FZR1: variants seen among roughly 807,000 people sequenced by gnomAD.
FZR1 encodes fizzy and cell division cycle 20 related 1.
A neutral mutation model predicts 63.6 loss-of-function variants in FZR1; 11 were observed. The observed-to-expected ratio is 0.17, with a 90% CI of 0.11 to 0.29. The LOEUF (loss-of-function observed/expected upper bound fraction) is 0.29. FZR1 is among the 10% of genes least tolerant of loss of function. FZR1 has a pLI of 1.00. For missense variants in FZR1, 440 were observed against 687.5 expected (o/e 0.64, Z 4.03); for synonymous variants, 328 against 297.9 (o/e 1.10, Z -1.04).
At position 3,525,818 on chromosome 19, in the gene FZR1, C is replaced by T. The variant is rs1314208435; in HGVS notation, c.70-50C>T. On this transcript the variant is annotated intron_variant, in intron 2 of 13. Coordinates refer to ENST00000441788, the MANE Select transcript of FZR1 (RefSeq NM_016263.4). This position sits in a 1 kb window ranked among gnomAD's most constrained non-coding sequence, Gnocchi z 4.2. ...TGAGAGAGGCTGGCCTGGGGGCACTCTCGGGGGGCTCTCGGTGCTGAGAGC... is the reference window on the plus strand; with the variant it reads ...TGAGAGAGGCTGGCCTGGGGGCACTTTCGGGGGGCTCTCGGTGCTGAGAGC... 3 of 1,593,908 alleles carry T rather than the reference C, an allele frequency of 1.9e-6. No homozygotes were observed. The highest frequency in any genetic ancestry group is 2.7e-5 in the African/African-American group (2 of 74,692).
intron 1 of FZR1, among the ~76,000 whole-genome samples, chr19:3,511,312 G>A (rs74551698): frequency 0.054 from 8,149 of 152,286 alleles, 645 homozygotes; most frequent in African/African-American, 0.17. Flanking sequence ...GTGGGCTGGA[G>A]GTGGGAGCTG....
chr19:3,510,149 C>T (rs889403717), intron 1 of FZR1, among the ~76,000 whole-genome samples: 1 of 151,970 alleles, frequency 6.6e-6, no homozygotes, highest in Non-Finnish European at 1.5e-5. Context: ...TTTCTTTTTC[C>T]TTTTTGAGAT....
rs533550219 is a variant in FZR1 at position 3,532,350 on chromosome 19, C to T, written c.1009-67C>T. The T allele has an allele frequency of 3.9e-6, 5 of 1,289,266 alleles. No homozygotes were observed. In the African/African-American group the frequency reaches 4.5e-5, roughly 12 times the overall value. The allele number at this position is 1,289,266 out of a possible 1,614,324, so 79.9% of individuals were successfully genotyped here. ...GGGGTGCCAGGGCAGGTCGTCACAC[C>T]TGTGAGGACCGGCCTATGGGACCAC... On this transcript the variant is annotated intron_variant, in intron 10 of 13. Transcript: ENST00000441788.
At position 3,534,783 on chromosome 19, in the gene FZR1, A is replaced by G. The variant is rs2083280589; in HGVS notation, c.1441-12A>G. ...GCGGCTCAGCGCATCTGCCATCCCC[A>G]TGTGTCTGCAGGAGTCTGTGTCTGT... On this transcript the variant is annotated splice_polypyrimidine_tract_variant and intron_variant, in intron 13 of 13. Transcript: ENST00000441788. 1.9e-6 allele frequency: 3 copies of G among 1,611,894 alleles called. No individual in the cohort carries two copies. The highest frequency in any genetic ancestry group is 2.2e-5 in the East Asian group (1 of 44,862).
chr19:3,524,313 C>A (rs4807485), intron 2 of FZR1, among the ~76,000 whole-genome samples: 86,536 of 152,072 alleles, frequency 0.57, 27,214 homozygotes, highest in East Asian at 0.84. Context: ...TCGAAGTCTC[C>A]CGGATGCAGC....
At chr19:3,534,337 T>C (rs998982973) in intron 12 of FZR1, 84 bp from the exon 13 acceptor site, 2 of 729,282 alleles carry the variant, frequency 2.7e-6, no homozygotes, top group South Asian at 1.8e-5. Context: ...CCCGACACCT[T>C]GCTCCCCTCT....
chr19:3,524,869 CAG>C (rs1444061106), intron 2 of FZR1, among the ~76,000 whole-genome samples: 1 of 152,134 alleles, frequency 6.6e-6, no homozygotes, highest in Non-Finnish European at 1.5e-5. Flanking sequence ...GTCATCAAAT[CAG>C]GGCTCACCCT....
intron 13 of FZR1, 27 bp downstream of exon 13, chr19:3,534,540 T>C: frequency 1.4e-6 from 2 of 1,450,552 alleles, no homozygotes; most frequent in Non-Finnish European, 1.9e-6. Context: ...TCAGCGCCAC[T>C]CGCCCCCGCC....
At chr19:3,511,650 A>G (rs1031909011) in intron 1 of FZR1, among the ~76,000 whole-genome samples, 1 of 152,152 alleles carries the variant, frequency 6.6e-6, no homozygotes, top group African/African-American at 2.4e-5. Context: ...CACATGGCAC[A>G]TGGCTGGTTG....
intron 7 of FZR1, among the ~76,000 whole-genome samples, 161 bp downstream of exon 7, chr19:3,527,975 C>T (rs1021279355): frequency 2.0e-5 from 3 of 152,068 alleles, no homozygotes; most frequent in East Asian, 3.9e-4. Context: ...CCCTCCCAGC[C>T]ACTACCCTCC....
At chr19:3,522,790 G>A (rs2083114892) in intron 1 of FZR1, among the ~76,000 whole-genome samples, 166 bp from the exon 2 acceptor site, 1 of 152,178 alleles carries the variant, frequency 6.6e-6, no homozygotes, top group African/African-American at 2.4e-5. Flanking sequence ...CCAGGTTGGG[G>A]GAGCCTCACC....
At position 3,526,224 on chromosome 19, in the gene FZR1, G is replaced by C; in HGVS notation, c.260-35G>C. ...CATCCGCCCTGCAGGCCCCCACCCTGCCTTGCCCCGCCTCACTGTGCTTGG... is the reference window on the plus strand; with the variant it reads ...CATCCGCCCTGCAGGCCCCCACCCTCCCTTGCCCCGCCTCACTGTGCTTGG... On this transcript the variant is annotated intron_variant, in intron 4 of 13. Coordinates refer to ENST00000441788, the MANE Select transcript of FZR1 (RefSeq NM_016263.4). This position sits in a 1 kb window ranked among gnomAD's most constrained non-coding sequence, Gnocchi z 5.4. 1 of 1,611,018 alleles carries C rather than the reference G, an allele frequency of 6.2e-7. No individual in the cohort carries two copies. The highest frequency in any genetic ancestry group is 1.1e-5 in the South Asian group (1 of 91,038).
rs1028592195 is a variant in FZR1 at position 3,531,625 on chromosome 19, GGA to G, written c.721-83_721-82del. ...GGAAACCGTCCCAGAGCCCTGGTGA[GGA>G]GAGAGCCTGGCGCGACCAACGCCAG... On this transcript the variant is annotated intron_variant, in intron 8 of 13. Transcript: ENST00000441788. 7.0e-6 allele frequency: 6 copies of G among 852,084 alleles called. No homozygotes were observed. In the African/African-American group the frequency reaches 1.0e-4, roughly 15 times the overall value. 52.8% of individuals were successfully genotyped at this position (852,084 alleles called of 1,614,324 possible).
chr19:3,507,522 GTTCCGA>G (rs1210451998), intron 1 of FZR1, among the ~76,000 whole-genome samples: 2 of 151,854 alleles, frequency 1.3e-5, no homozygotes, highest in East Asian at 3.9e-4. Flanking sequence ...CGTCTCTCTG[GTTCCGA>G]TTCCCCCGCC....
rs565122697 is a variant in FZR1 at position 3,525,633 on chromosome 19, G to C, written c.70-235G>C. On this transcript the variant is annotated intron_variant, in intron 2 of 13. Coordinates refer to ENST00000441788, the MANE Select transcript of FZR1 (RefSeq NM_016263.4). This position sits in a 1 kb window ranked among gnomAD's most constrained non-coding sequence, Gnocchi z 4.2. ...GATTTTTTGTATTTTTAGTAGAGAC[G>C]AGGTTTCACAGTGTTAGCCAGGATG... is the stretch of plus-strand genomic sequence containing the variant. Among the ~76,000 whole-genome samples, 1 of 151,816 alleles carries C rather than the reference G, an allele frequency of 6.6e-6. No homozygotes were observed. The highest frequency in any genetic ancestry group is 1.5e-5 in the Non-Finnish European group (1 of 67,922).
At chr19:3,527,562 C>A in intron 6 of FZR1, 69 bp from the exon 7 acceptor site, 2 of 1,300,230 alleles carry the variant, frequency 1.5e-6, no homozygotes, top group Non-Finnish European at 2.1e-6. Context: ...GAAGGAGACA[C>A]TTCCCAAGCG....
At chr19:3,518,531 T>C (rs914373751) in intron 1 of FZR1, among the ~76,000 whole-genome samples, 6 of 152,016 alleles carry the variant, frequency 3.9e-5, no homozygotes, top group African/African-American at 1.5e-4. Context: ...AGTGCTGGCA[T>C]GGAATACAGT....
At chr19:3,519,750 T>C (rs1181339693) in intron 1 of FZR1, among the ~76,000 whole-genome samples, 2 of 152,156 alleles carry the variant, frequency 1.3e-5, no homozygotes, top group Non-Finnish European at 2.9e-5. Context: ...CAGGAGCCCC[T>C]GCCCCCAGGG....
At chr19:3,523,273 A>C (rs894633530) in intron 2 of FZR1, among the ~76,000 whole-genome samples, 1 of 152,232 alleles carries the variant, frequency 6.6e-6, no homozygotes, top group African/African-American at 2.4e-5. Context: ...TGGATGGATG[A>C]GGAGGCAAAA....
Sources: allele counts gnomAD v4.1 joint callset (sites outside exome capture counted in the v4.1 genomes callset), GRCh38; gene constraint gnomAD v4.1.1; non-coding constraint Gnocchi (gnomAD v3.1); transcripts MANE v1.5; gene names NCBI Gene and HGNC (gene_info 2026-07-23, HGNC 2026-07-21).